The following DNMT3B variants were observed in gnomAD, a reference collection of about 807,000 sequenced individuals.
DNMT3B encodes DNA methyltransferase 3 beta.
A neutral mutation model predicts 120.2 loss-of-function variants in DNMT3B; 37 were observed. The observed-to-expected ratio is 0.31, with a 90% CI of 0.24 to 0.40. DNMT3B has a LOEUF of 0.40. Among genes scored for constraint, DNMT3B ranks in the 10% least tolerant of loss-of-function variants. The pLI, the probability that DNMT3B is intolerant of heterozygous loss-of-function variation, is 1.00. For missense variants in DNMT3B, 878 were observed against 1,137.3 expected, an observed-to-expected ratio of 0.77 and a Z score of 3.28; for synonymous variants, 412 against 442.8, an observed-to-expected ratio of 0.93 and a Z score of 0.87.
At chr20:32,793,903 A>T (rs1205791540) in intron 10 of DNMT3B, among the ~76,000 whole-genome samples, 1 of 152,082 alleles carries the variant, frequency 6.6e-6, no homozygotes, top group Non-Finnish European at 1.5e-5. Flanking sequence ...ATGGCTGTAC[A>T]ATTTTCTTTC....
chr20:32,772,908 T>C (rs1419741111), intron 1 of DNMT3B, among the ~76,000 whole-genome samples: 1 of 141,212 alleles, frequency 7.1e-6, no homozygotes, highest in Non-Finnish European at 1.5e-5. Flanking sequence ...GGAGTTTCGC[T>C]CTTGTTGCCC....
chr20:32,787,505 A>G (rs4911108), intron 6 of DNMT3B, 54 bp downstream of exon 6: 657,782 of 1,568,548 alleles, frequency 0.42, 147,255 homozygotes, highest in East Asian at 0.91. Flanking sequence ...GAACACGGGG[A>G]AAAACCAGTT....
chr20:32,799,343 C>T lies in DNMT3B; in HGVS notation c.1759+15C>T. The T allele has an allele frequency of 6.2e-7, 1 of 1,608,638 alleles. No homozygotes were observed. Among genetic ancestry groups the T allele is most frequent in the Non-Finnish European group, 8.5e-7 (1 of 1,177,720 alleles). On this transcript the variant is annotated intron_variant, in intron 16 of 22. Coordinates refer to ENST00000328111, the MANE Select transcript of DNMT3B (RefSeq NM_006892.4). Reference sequence around the variant, plus strand: ...CATCGCGACAGGTGAGTTCGGGGAACACCTGGAGACACTGCTATCGTGTCA... The same window carrying T: ...CATCGCGACAGGTGAGTTCGGGGAATACCTGGAGACACTGCTATCGTGTCA...
chr20:32,797,956 A>G (rs1980845266), intron 14 of DNMT3B, among the ~76,000 whole-genome samples: 1 of 152,106 alleles, frequency 6.6e-6, no homozygotes, highest in African/African-American at 2.4e-5. Context: ...GATTACAGTC[A>G]TGATCCACCG....
chr20:32,791,365 T>C lies in DNMT3B; in HGVS notation c.814-236T>C, dbSNP rs1477562091. Among the ~76,000 whole-genome samples, 5 of 152,336 alleles carry C rather than the reference T, an allele frequency of 3.3e-5. No homozygotes were observed. In the East Asian group the frequency reaches 9.6e-4, roughly 29 times the overall value. ...TTCAGAGTATCCTCCTTTTCCACAGTGGAAGTGTCGTACCTAACAAGGTTC... is the reference window on the plus strand; with the variant it reads ...TTCAGAGTATCCTCCTTTTCCACAGCGGAAGTGTCGTACCTAACAAGGTTC... On this transcript the variant is annotated intron_variant, in intron 7 of 22. Coordinates refer to ENST00000328111, the MANE Select transcript of DNMT3B (RefSeq NM_006892.4).
chr20:32,791,374 C>T (rs759707720), intron 7 of DNMT3B, among the ~76,000 whole-genome samples: 3 of 152,128 alleles, frequency 2.0e-5, no homozygotes, highest in South Asian at 2.1e-4. Flanking sequence ...GTGGAAGTGT[C>T]GTACCTAACA....
At position 32,808,075 on chromosome 20, in the gene DNMT3B, G is replaced by A; in HGVS notation, c.*172G>A. 1.8e-6 allele frequency: 2 copies of A among 1,091,426 alleles called. No homozygotes were observed. The highest frequency in any genetic ancestry group is 2.6e-6 in the Non-Finnish European group (2 of 759,680). 67.6% of individuals were successfully genotyped at this position (1,091,426 alleles called of 1,614,324 possible). ...GAGCCACCTGACTCTTGCAGGGGTA[G>A]CCTGAGGTGCCGCCTCCTTGTGCAC... On this transcript the variant is annotated 3_prime_UTR_variant, in exon 23 of 23. Transcript: ENST00000328111.
Position 32,766,379 on chromosome 20 carries a change from G to GT in DNMT3B, c.-7+3691dup, listed in dbSNP as rs1157610536. 6.9e-3 allele frequency among the ~76,000 whole-genome samples: 1,011 copies of GT among 145,872 alleles called. 5 individuals carry two copies. Among genetic ancestry groups the GT allele is most frequent in the African/African-American group, 0.018 (715 of 40,096 alleles). ...ATCTACGTAGATATAGATAGCTTAA[G>GT]TTTTTTTTTTTATAAGGACAAGGTC... On this transcript the variant is annotated intron_variant, in intron 1 of 22. Transcript: ENST00000328111.
chr20:32,791,045 G>A (rs1190399995), intron 7 of DNMT3B, among the ~76,000 whole-genome samples: 1 of 152,202 alleles, frequency 6.6e-6, no homozygotes, highest in Non-Finnish European at 1.5e-5. Context: ...CAGGGACTTG[G>A]TACATCAGGA....
chr20:32,785,802 A>T (rs896480980), intron 4 of DNMT3B, among the ~76,000 whole-genome samples: 3 of 152,144 alleles, frequency 2.0e-5, no homozygotes, highest in African/African-American at 7.2e-5. Context: ...GCCTTCCTGA[A>T]CCCAGTAATT....
intron 1 of DNMT3B, among the ~76,000 whole-genome samples, chr20:32,765,501 A>AC (rs1987275586): frequency 6.9e-6 from 1 of 145,848 alleles, no homozygotes; most frequent in Non-Finnish European, 1.5e-5. Context: ...GCTCACTGCA[A>AC]CCTCTGCCTC....
intron 6 of DNMT3B, 98 bp from the exon 7 acceptor site, chr20:32,788,756 G>C: frequency 6.6e-7 from 1 of 1,504,978 alleles, no homozygotes; most frequent in Non-Finnish European, 9.2e-7. Context: ...GCATTTTATG[G>C]CAAGCTTTTT....
At chr20:32,773,862 T>C (rs1042699973) in intron 1 of DNMT3B, among the ~76,000 whole-genome samples, 1 of 148,790 alleles carries the variant, frequency 6.7e-6, no homozygotes, top group Non-Finnish European at 1.5e-5. Context: ...GTTGAACTCC[T>C]GAGCCCAAGC....
intron 7 of DNMT3B, among the ~76,000 whole-genome samples, chr20:32,791,036 A>G (rs774018325): frequency 4.6e-5 from 7 of 152,238 alleles, no homozygotes; most frequent in Non-Finnish European, 8.8e-5. Flanking sequence ...TGCTTGGTCC[A>G]GGGACTTGGT....
At chr20:32,792,006 C>T (rs183580283) in intron 8 of DNMT3B, among the ~76,000 whole-genome samples, 1 of 152,282 alleles carries the variant, frequency 6.6e-6, no homozygotes, top group East Asian at 1.9e-4. Context: ...TCAGAGCCTT[C>T]TTATGAGGGT....
At chr20:32,771,132 T>C (rs530119892) in intron 1 of DNMT3B, among the ~76,000 whole-genome samples, 3 of 152,314 alleles carry the variant, frequency 2.0e-5, no homozygotes, top group Admixed American at 6.5e-5. Flanking sequence ...CAAGGACATA[T>C]TTTCTGGTTA....
intron 20 of DNMT3B, among the ~76,000 whole-genome samples, chr20:32,802,677 G>A (rs1451747679): frequency 1.3e-5 from 2 of 152,186 alleles, no homozygotes; most frequent in East Asian, 1.9e-4. Context: ...ACTCTTACCT[G>A]TTGTAAGCTG....
In DNMT3B at chr20:32,792,677, T is replaced by C. The variant is rs140978291; in HGVS notation, c.973T>C (p.Leu325=). The C allele has an allele frequency of 3.3e-4, 536 of 1,614,218 alleles. No homozygotes were observed. Among genetic ancestry groups the C allele is most frequent in the South Asian group, 8.9e-4 (81 of 91,086 alleles). ...CTTCCCCAGCAGCCCTGGAGACTCA[T>C]TGGAGGACCAGCTGAAGCCCATGTT... ...KTFPSSPGDS[L]EDQLKPMLEW... The change falls in exon 9 of 23, where the codon TTG becomes CTG. Residue 325 remains leucine (L), a synonymous_variant. Transcript: ENST00000328111.
At chr20:32,791,040 A>C (rs1568844575) in intron 7 of DNMT3B, among the ~76,000 whole-genome samples, 1 of 152,182 alleles carries the variant, frequency 6.6e-6, no homozygotes, top group African/African-American at 2.4e-5. Context: ...TGGTCCAGGG[A>C]CTTGGTACAT....
Sources: gnomAD v4.1 joint callset for allele counts (sites outside exome capture counted in the v4.1 genomes callset) on GRCh38, gnomAD v4.1.1 for gene constraint, MANE v1.5 for transcripts, NCBI Gene and HGNC (gene_info 2026-07-23, HGNC 2026-07-21) for gene names.